IMP3: variants seen among roughly 807,000 people sequenced by gnomAD.
The protein encoded by IMP3 is U3 small nucleolar ribonucleoprotein IMP3.
A neutral mutation model predicts 10.2 loss-of-function variants in IMP3; 17 were observed. That is an observed-to-expected ratio of 1.67 (90% CI 1.14 to 2.50). The LOEUF is 2.50. IMP3 is among the 30% of genes most tolerant of loss of function. The pLI, the probability that IMP3 is intolerant of heterozygous loss-of-function variation, is 0.00. For missense variants in IMP3, 290 were observed against 260.2 expected (o/e 1.11, Z -0.79); for synonymous variants, 167 against 120.1 (o/e 1.39, Z -2.55).
At position 75,639,625 on chromosome 15, in the gene IMP3, G is replaced by C. The variant is rs148358312; in HGVS notation, c.544C>G (p.Leu182Val). 4.3e-3 allele frequency: 6,923 copies of C among 1,613,650 alleles called. 30 individuals are homozygous for C. The highest frequency in any genetic ancestry group is 5.4e-3 in the Non-Finnish European group (6,390 of 1,179,958). The change falls in exon 1 of 1, where the codon CTG (leucine) becomes GTG (valine). Residue 182 changes from leucine (L) to valine (V), a missense_variant. Physicochemically the swap from Leu to Val is conservative, Grantham distance 32. Transcript: ENST00000403490. ...EYNEERDDFD[L>V]EA ...AAGTGGGAGATCCGCTAGGCTTCCA[G>C]ATCGAAGTCATCGCGCTCCTCATTG...
In IMP3 at chr15:75,639,494, C is replaced by A; in HGVS notation, c.*120G>T. 1 of 869,042 alleles carries A rather than the reference C, an allele frequency of 1.2e-6. No homozygotes were observed. The highest frequency in any genetic ancestry group is 1.8e-6 in the Non-Finnish European group (1 of 562,734). The allele number at this position is 869,042 out of a possible 1,614,324, so 53.8% of individuals were successfully genotyped here. On this transcript the variant is annotated 3_prime_UTR_variant, in exon 1 of 1. Coordinates refer to ENST00000403490, the MANE Select transcript of IMP3 (RefSeq NM_018285.4). The stretch of plus-strand genomic sequence containing the variant: ...TATGCATGGCCTGCCACTGATGAAT[C>A]AAATTCTTAAGAACCTACGACCGTC...
rs1697985530 is a variant in IMP3, at chr15:75,639,862, C to G, written c.307G>C (p.Ala103Pro). Residue 103 changes from alanine to proline, a missense_variant, in exon 1 of 1, where the codon GCC becomes CCC. By Grantham distance (27) the Ala-to-Pro change is conservative. Transcript: ENST00000403490. ...AGGCGGCGGCGGCAGAAGGACGAGG[C>G]CGTGACGAAGTCGCAGAGCTCCAGC... The part of the protein sequence containing the change: ...GSLELCDFVT[A>P]SSFCRRRLPT... The G allele has an allele frequency of 1.9e-6, 3 of 1,611,300 alleles. No individual in the cohort carries two copies. In the Admixed American group the frequency reaches 5.0e-5, roughly 27 times the overall value.
rs911189380 is a variant in IMP3, at chr15:75,639,903, A to G, written c.266T>C (p.Val89Ala). The G allele has an allele frequency of 8.7e-6, 14 of 1,610,574 alleles. No individual in the cohort carries two copies. Among genetic ancestry groups the G allele is most frequent in the Non-Finnish European group, 1.2e-5 (14 of 1,179,088 alleles). Residue 89 changes from valine (V) to alanine (A), a missense_variant, in exon 1 of 1, where the codon GTG becomes GCG. By Grantham distance (64) the Val-to-Ala change is moderately conservative. Transcript: ENST00000403490. The part of the protein sequence containing the change: ...LLDKLYALGL[V>A]PTRGSLELCD... ...GAGCTCCAGCGAACCGCGCGTGGGCACCAAGCCGAGAGCATACAGCTTGTC... is the reference window on the plus strand; with the variant it reads ...GAGCTCCAGCGAACCGCGCGTGGGCGCCAAGCCGAGAGCATACAGCTTGTC...
At position 75,639,576 on chromosome 15, in the gene IMP3, C is replaced by T; in HGVS notation, c.*38G>A. The T allele has an allele frequency of 1.9e-6, 3 of 1,583,600 alleles. No individual in the cohort carries two copies. The highest frequency in any genetic ancestry group is 2.6e-6 in the Non-Finnish European group (3 of 1,153,362). ...TCTCCAGCATCAGGCCTCAGTTTTC[C>T]CATCTGTAAAAGACAGCCATGCAAA... On this transcript the variant is annotated 3_prime_UTR_variant, in exon 1 of 1. Coordinates refer to ENST00000403490, the MANE Select transcript of IMP3 (RefSeq NM_018285.4).
In IMP3 at chr15:75,639,914, A is replaced by C. The variant is rs1325758380; in HGVS notation, c.255T>G (p.Ala85=). ...AACCGCGCGTGGGCACCAAGCCGAG[A>C]GCATACAGCTTGTCCAGCAGCGCGG... ...ASAALLDKLY[A]LGLVPTRGSL... The change falls in exon 1 of 1, where the codon GCT becomes GCG. Residue 85 remains alanine, a synonymous_variant. Transcript: ENST00000403490. The C allele has an allele frequency of 6.2e-7, 1 of 1,610,630 alleles. No individual in the cohort carries two copies. Among genetic ancestry groups the C allele is most frequent in the Non-Finnish European group, 8.5e-7 (1 of 1,179,048 alleles).
chr15:75,640,002 C>A lies in IMP3; in HGVS notation c.167G>T (p.Arg56Leu), dbSNP rs746369854. ...GTCGCGCAGGCGCCGCGCCAGCTCA[C>A]GCACGGCACGGCTCAGCTGGTTGTA... ...TRYNQLSRAVRELARRLRDLP... is the reference protein window; with the variant it reads ...TRYNQLSRAVLELARRLRDLP... The change falls in exon 1 of 1, where the codon CGT (arginine) becomes CTT (leucine). Residue 56 changes from arginine to leucine, a missense_variant. Transcript: ENST00000403490. 6.2e-7 allele frequency: 1 copy of A among 1,601,686 alleles called. No individual in the cohort carries two copies. The highest frequency in any genetic ancestry group is 8.5e-7 in the Non-Finnish European group (1 of 1,175,008).
chr15:75,639,312 CT>C lies in IMP3; in HGVS notation c.*301del, dbSNP rs557620616. 395 of 385,116 alleles carry C rather than the reference CT, an allele frequency of 1.0e-3. 1 individual carries two copies. Among genetic ancestry groups the C allele is most frequent in the African/African-American group, 7.9e-3 (373 of 47,166 alleles). The allele number at this position is 385,116 out of a possible 1,614,324, so 23.9% of individuals were successfully genotyped here. On this transcript the variant is annotated 3_prime_UTR_variant, in exon 1 of 1. Transcript: ENST00000403490. ...AGGGCGTGGGGATTTCCAGTTTTTC[CT>C]TTTACATTACAAAGTTTCCAACACA...
In IMP3 at chr15:75,640,022, G is replaced by A; in HGVS notation, c.147C>T (p.Asn49=). Residue 49 remains asparagine (N), a synonymous_variant, in exon 1 of 1, where the codon AAC becomes AAT. Coordinates refer to ENST00000403490, the MANE Select transcript of IMP3 (RefSeq NM_018285.4). ...LQRREDYTRY[N]QLSRAVRELA... ...GCTCACGCACGGCACGGCTCAGCTG[G>A]TTGTAGCGCGTGTAGTCCTCCCGCC... The A allele has an allele frequency of 1.3e-6, 2 of 1,599,910 alleles. No homozygotes were observed. The highest frequency in any genetic ancestry group is 1.1e-5 in the South Asian group (1 of 89,602).
rs1196025013 is a variant in IMP3 at position 75,639,883 on chromosome 15, C to A, written c.286G>T (p.Glu96Ter). 2 of 1,611,344 alleles carry A rather than the reference C, an allele frequency of 1.2e-6. No homozygotes were observed. The highest frequency in any genetic ancestry group is 1.3e-5 in the African/African-American group (1 of 74,934). ...GAGGCCGTGACGAAGTCGCAGAGCT[C>A]CAGCGAACCGCGCGTGGGCACCAAG... Reference protein sequence around the residue: ...LGLVPTRGSLELCDFVTASSF... With the variant: ...LGLVPTRGSL The change falls in exon 1 of 1, where the codon GAG becomes TAG. Residue 96 changes from glutamate to a stop codon, truncating the protein, a stop_gained. Transcript: ENST00000403490. LOFTEE classifies it high-confidence loss of function.
rs755571845 is a variant in IMP3 at position 75,640,141 on chromosome 15, G to A, written c.28C>T (p.Gln10Ter). The A allele has an allele frequency of 1.3e-6, 2 of 1,560,774 alleles. No homozygotes were observed. Among genetic ancestry groups the A allele is most frequent in the Admixed American group, 1.8e-5 (1 of 54,560 alleles). The change falls in exon 1 of 1, where the codon CAG (glutamine) becomes TAG (stop). Residue 10 changes from glutamine to a stop codon, truncating the protein, a stop_gained. Transcript: ENST00000403490. LOFTEE classifies it high-confidence loss of function. MVRKLKFHE[Q>*]KLLKQVDFLN... The stretch of plus-strand genomic sequence containing the variant: ...AAGTCCACCTGCTTCAGCAGCTTCT[G>A]CTCGTGGAACTTAAGCTTCCGCACC...
In IMP3 at chr15:75,639,590, C is replaced by G; in HGVS notation, c.*24G>C. 1.2e-6 allele frequency: 2 copies of G among 1,602,904 alleles called. No homozygotes were observed. The highest frequency in any genetic ancestry group is 1.7e-6 in the Non-Finnish European group (2 of 1,170,662). ...CCTCAGTTTTCCCATCTGTAAAAGACAGCCATGCAAAGTGGGAGATCCGCT... is the reference window on the plus strand; with the variant it reads ...CCTCAGTTTTCCCATCTGTAAAAGAGAGCCATGCAAAGTGGGAGATCCGCT... On this transcript the variant is annotated 3_prime_UTR_variant, in exon 1 of 1. Coordinates refer to ENST00000403490, the MANE Select transcript of IMP3 (RefSeq NM_018285.4).
In IMP3 at chr15:75,640,223, G is replaced by A. The variant is rs541103405; in HGVS notation, c.-55C>T. On this transcript the variant is annotated 5_prime_UTR_variant, in exon 1 of 1. Transcript: ENST00000403490. ...AAGCTGAGAGCGCGTTCTGGCATCC[G>A]CGCGATTTCCGCCGCGGCGCCCCAA... is the stretch of plus-strand genomic sequence containing the variant. The A allele has an allele frequency of 1.8e-5, 26 of 1,464,864 alleles. No individual in the cohort carries two copies. The highest frequency in any genetic ancestry group is 2.5e-4 in the Middle Eastern group (1 of 3,932). 90.7% of individuals were successfully genotyped at this position (1,464,864 alleles called of 1,614,324 possible). A position where few individuals can be genotyped will look rare whatever the true frequency, so the allele number is the denominator to read the frequency against.
In IMP3 at chr15:75,640,127, C is replaced by A; in HGVS notation, c.42G>T (p.Lys14Asn). 6.3e-7 allele frequency: 1 copy of A among 1,575,804 alleles called. No individual in the cohort carries two copies. The highest frequency in any genetic ancestry group is 8.6e-7 in the Non-Finnish European group (1 of 1,157,192). Residue 14 changes from lysine to asparagine, a missense_variant, in exon 1 of 1, where the codon AAG (lysine) becomes AAT (asparagine). Physicochemically the swap from Lys to Asn is moderately conservative, Grantham distance 94. Coordinates refer to ENST00000403490, the MANE Select transcript of IMP3 (RefSeq NM_018285.4). ...CCTCCCAGTTCAGGAAGTCCACCTG[C>A]TTCAGCAGCTTCTGCTCGTGGAACT... Reference protein sequence around the residue: ...KLKFHEQKLLKQVDFLNWEVT... With the variant: ...KLKFHEQKLLNQVDFLNWEVT...
rs755662434 is a variant in IMP3 at position 75,640,163 on chromosome 15, C to T, written c.6G>A (p.Val2=). ...TCTGCTCGTGGAACTTAAGCTTCCG[C>T]ACCATGATGGCGGCAGCCGCAGCCG... is the stretch of plus-strand genomic sequence containing the variant. M[V]RKLKFHEQKL... is the part of the protein sequence containing the mutation. The change falls in exon 1 of 1, where the codon GTG becomes GTA. Residue 2 remains valine, a synonymous_variant. Coordinates refer to ENST00000403490, the MANE Select transcript of IMP3 (RefSeq NM_018285.4). The T allele has an allele frequency of 3.3e-6, 5 of 1,524,966 alleles. No homozygotes were observed. Among genetic ancestry groups the T allele is most frequent in the South Asian group, 1.3e-5 (1 of 79,326 alleles). 94.5% of individuals were successfully genotyped at this position (1,524,966 alleles called of 1,614,324 possible).
In IMP3 at chr15:75,639,193, C is replaced by T. The variant is rs571757447; in HGVS notation, c.*421G>A. 1.1e-5 allele frequency: 2 copies of T among 182,266 alleles called. No individual in the cohort carries two copies. Among genetic ancestry groups the T allele is most frequent in the East Asian group, 1.7e-4 (1 of 5,890 alleles). The allele number at this position is 182,266 out of a possible 1,614,324, so 11.3% of individuals were successfully genotyped here. A position where few individuals can be genotyped will look rare whatever the true frequency, so the allele number is the denominator to read the frequency against. On this transcript the variant is annotated 3_prime_UTR_variant, in exon 1 of 1. Transcript: ENST00000403490. The stretch of plus-strand genomic sequence containing the variant: ...GTTTATAAAAACTTGAGGCCAAACT[C>T]TCCATCATCTGTACACAGCTTAACC...
At position 75,639,521 on chromosome 15, in the gene IMP3, G is replaced by A. The variant is rs1415317304; in HGVS notation, c.*93C>T. 3 of 1,167,028 alleles carry A rather than the reference G, an allele frequency of 2.6e-6. No homozygotes were observed. The East Asian group carries it at 7.1e-5, about 28-fold the overall frequency. The allele number at this position is 1,167,028 out of a possible 1,614,324, so 72.3% of individuals were successfully genotyped here. On this transcript the variant is annotated 3_prime_UTR_variant, in exon 1 of 1. Transcript: ENST00000403490. Reference sequence around the variant, plus strand: ...AATTCTTAAGAACCTACGACCGTCTGATACCCTTGAGGAGAGCACCCTCAT... The same window carrying A: ...AATTCTTAAGAACCTACGACCGTCTAATACCCTTGAGGAGAGCACCCTCAT...
At position 75,639,717 on chromosome 15, in the gene IMP3, G is replaced by C; in HGVS notation, c.452C>G (p.Thr151Arg). ...DVVTDPAFLV[T>R]RSMEDFVTWV... Reference sequence around the variant, plus strand: ...AGTGACAAAGTCCTCCATGCTGCGCGTGACAAGGAAGGCGGGGTCGGTAAC... The same window carrying C: ...AGTGACAAAGTCCTCCATGCTGCGCCTGACAAGGAAGGCGGGGTCGGTAAC... Residue 151 changes from threonine (T) to arginine (R), a missense_variant, in exon 1 of 1, where the codon ACG becomes AGG. Physicochemically the swap from Thr to Arg is moderately conservative, Grantham distance 71. Transcript: ENST00000403490. 1.2e-6 allele frequency: 2 copies of C among 1,613,872 alleles called. No individual in the cohort carries two copies. The highest frequency in any genetic ancestry group is 1.7e-6 in the Non-Finnish European group (2 of 1,180,048).
rs769839942 is a variant in IMP3, at chr15:75,639,726, A to C, written c.443T>G (p.Phe148Cys). ...VGPDVVTDPA[F>C]LVTRSMEDFV... ...GTCCTCCATGCTGCGCGTGACAAGG[A>C]AGGCGGGGTCGGTAACCACGTCAGG... is the stretch of plus-strand genomic sequence containing the variant. Residue 148 changes from phenylalanine (F) to cysteine (C), a missense_variant, in exon 1 of 1, where the codon TTC (phenylalanine) becomes TGC (cysteine). Transcript: ENST00000403490. 6.2e-7 allele frequency: 1 copy of C among 1,613,826 alleles called. No individual in the cohort carries two copies. Among genetic ancestry groups the C allele is most frequent in the Non-Finnish European group, 8.5e-7 (1 of 1,180,056 alleles).
In IMP3 at chr15:75,639,790, C is replaced by A. The variant is rs750178031; in HGVS notation, c.379G>T (p.Ala127Ser). Residue 127 changes from alanine (A) to serine (S), a missense_variant, in exon 1 of 1, where the codon GCC becomes TCC. Ala to Ser is a moderately conservative substitution (Grantham distance 99). Transcript: ENST00000403490. ...TGCCCTTGCTCCACAAAGGCCACGG[C>A]AGCCTGAAGGTGCTGCGCCATGCGC... ...KLRMAQHLQA[A>S]VAFVEQGHVR... 8 of 1,612,666 alleles carry A rather than the reference C, an allele frequency of 5.0e-6. No individual in the cohort carries two copies. Among genetic ancestry groups the A allele is most frequent in the Non-Finnish European group, 3.4e-6 (4 of 1,179,802 alleles).
Sources: allele counts gnomAD v4.1 joint callset, GRCh38; gene constraint gnomAD v4.1.1; transcripts MANE v1.5; gene names NCBI Gene and HGNC (gene_info 2026-07-23, HGNC 2026-07-21).